SPOCK3: variants seen among roughly 807,000 people sequenced by gnomAD.
SPOCK3 encodes the protein SPARC (osteonectin), cwcv and kazal like domains proteoglycan 3, also known as testican-3.
Under a neutral mutation model 56.6 loss-of-function variants are expected in SPOCK3, and 30 were observed. The observed-to-expected ratio is 0.53, with a 90% CI of 0.40 to 0.72. The LOEUF (loss-of-function observed/expected upper bound fraction) is 0.72, where lower values mean the gene tolerates loss of function less well. Among genes scored for constraint, SPOCK3 ranks in the 30% least tolerant of loss-of-function variants. The probability of loss-of-function intolerance (pLI) is 0.00; values close to 1 mark genes in which losing one functional copy is unlikely to be tolerated. For missense variants in SPOCK3, 527 were observed against 530.0 expected (o/e 0.99, Z 0.06); for synonymous variants, 196 against 183.3 (o/e 1.07, Z -0.56).
intron 6 of SPOCK3, among the ~76,000 whole-genome samples, chr4:166,808,894 A>G (rs1027866284): frequency 1.3e-5 from 2 of 152,104 alleles, no homozygotes; most frequent in Non-Finnish European, 2.9e-5. Context: ...ATTATTTCTC[A>G]AATGAAGTCA....
intron 2 of SPOCK3, among the ~76,000 whole-genome samples, chr4:167,081,431 TAGAG>T (rs1302655352): frequency 1.3e-5 from 2 of 152,024 alleles, no homozygotes; most frequent in African/African-American, 4.8e-5. Flanking sequence ...GTTAACATTG[TAGAG>T]AGTCAACTCT....
chr4:167,107,476 T>C lies in SPOCK3; in HGVS notation c.190-44939A>G, dbSNP rs553626657. Among the ~76,000 whole-genome samples the C allele has an allele frequency of 6.6e-5, 10 of 151,776 alleles. No individual in the cohort carries two copies. In the South Asian group the frequency reaches 2.1e-3, roughly 32 times the overall value. On this transcript the variant is annotated intron_variant, in intron 2 of 10. Coordinates refer to ENST00000357545, the MANE Select transcript of SPOCK3 (RefSeq NM_001040159.2). ...CTTCATGATAAAAACCTGCAAAAAATGGTGATAGAAGAAAAATACCTCAAC... is the reference window on the plus strand; with the variant it reads ...CTTCATGATAAAAACCTGCAAAAAACGGTGATAGAAGAAAAATACCTCAAC...
intron 6 of SPOCK3, among the ~76,000 whole-genome samples, chr4:166,887,221 T>C (rs949317425): frequency 2.0e-5 from 3 of 152,192 alleles, no homozygotes; most frequent in African/African-American, 7.2e-5. Context: ...TTGGTTATCA[T>C]AAATTAATAC....
chr4:167,229,487 A>G (rs1325650522), intron 2 of SPOCK3, among the ~76,000 whole-genome samples: 1 of 152,156 alleles, frequency 6.6e-6, no homozygotes, highest in Non-Finnish European at 1.5e-5. Context: ...ACAACAGTAG[A>G]AGTTGATAGA....
chr4:166,752,968 T>C (rs561812903), intron 8 of SPOCK3, among the ~76,000 whole-genome samples: 12 of 114,876 alleles, frequency 1.0e-4, no homozygotes, highest in African/African-American at 4.0e-4. Flanking sequence ...CATATGGCTA[T>C]ATAAAAATTA....
intron 2 of SPOCK3, among the ~76,000 whole-genome samples, chr4:167,156,225 G>C (rs1225327417): frequency 6.6e-6 from 1 of 152,056 alleles, no homozygotes; most frequent in Admixed American, 6.6e-5. Context: ...CACATTCCAA[G>C]TACTTCATAG....
rs141842943 is a variant in SPOCK3 at position 166,916,321 on chromosome 4, G to A, written c.351-3578C>T. On this transcript the variant is annotated intron_variant, in intron 4 of 10. Coordinates refer to ENST00000357545, the MANE Select transcript of SPOCK3 (RefSeq NM_001040159.2). ...AAGAGGAATTCATACTATTGCTAGC[G>A]TTCTTTTAGGTGACTCACTTCTAGG... Among the ~76,000 whole-genome samples the A allele has an allele frequency of 1.1e-3, 167 of 152,022 alleles. 2 individuals carry two copies. The East Asian group carries it at 0.013, about 12-fold the overall frequency.
chr4:167,113,187 A>T (rs1761044573), intron 2 of SPOCK3, among the ~76,000 whole-genome samples: 1 of 152,154 alleles, frequency 6.6e-6, no homozygotes, highest in Admixed American at 6.6e-5. Context: ...ATCTCACTTT[A>T]GTCCAAACCA....
intron 2 of SPOCK3, among the ~76,000 whole-genome samples, chr4:167,217,362 T>TTTG (rs35939849): frequency 0.031 from 4,780 of 152,112 alleles, 106 homozygotes; most frequent in Middle Eastern, 0.072. Flanking sequence ...GATGTTTTTT[T>TTTG]TTGTTGTTTC....
intron 3 of SPOCK3, among the ~76,000 whole-genome samples, chr4:167,056,049 C>A (rs1322865327): frequency 6.6e-6 from 1 of 152,122 alleles, no homozygotes; most frequent in Non-Finnish European, 1.5e-5. Flanking sequence ...CTGGGAGGCA[C>A]CCCCCAGTAG....
intron 2 of SPOCK3, among the ~76,000 whole-genome samples, chr4:167,089,642 G>C (rs955761540): frequency 1.3e-5 from 2 of 152,060 alleles, no homozygotes; most frequent in Middle Eastern, 3.2e-3. Context: ...TCAATTTTAT[G>C]GGAGGTCTAA....
chr4:166,909,708 A>C (rs1245254058), intron 5 of SPOCK3, among the ~76,000 whole-genome samples: 2 of 152,094 alleles, frequency 1.3e-5, no homozygotes, highest in Admixed American at 1.3e-4. Flanking sequence ...AACTTCAAGC[A>C]AGGAGCTTCA....
At chr4:166,843,601 G>C (rs989071558) in intron 6 of SPOCK3, among the ~76,000 whole-genome samples, 31 of 152,134 alleles carry the variant, frequency 2.0e-4, no homozygotes, top group African/African-American at 7.0e-4. Flanking sequence ...CTGGGAGCTT[G>C]AAAGACAGCC....
At position 167,088,323 on chromosome 4, in the gene SPOCK3, T is replaced by C. The variant is rs569076643; in HGVS notation, c.190-25786A>G. Among the ~76,000 whole-genome samples the C allele has an allele frequency of 8.4e-4, 128 of 152,276 alleles. 1 individual carries two copies. The highest frequency in any genetic ancestry group is 3.0e-3 in the African/African-American group (124 of 41,570). ...ATGATGCTGATGCCATTGTGGTCAG[T>C]ACCACACTGAGAATCACTGCATTAG... On this transcript the variant is annotated intron_variant, in intron 2 of 10. Coordinates refer to ENST00000357545, the MANE Select transcript of SPOCK3 (RefSeq NM_001040159.2).
rs553703160 is a variant in SPOCK3, at chr4:167,116,651, C to A, written c.190-54114G>T. 8.8e-3 allele frequency among the ~76,000 whole-genome samples: 716 copies of A among 81,442 alleles called. 6 individuals carry two copies. The highest frequency in any genetic ancestry group is 0.013 in the Admixed American group (76 of 6,032). The allele number at this position is 81,442 out of a possible 152,430, so 53.4% of individuals were successfully genotyped here. ...TATATACTATATACGTATATATATA[C>A]ACATATATACGTATATAGTATATAT... On this transcript the variant is annotated intron_variant, in intron 2 of 10. Coordinates refer to ENST00000357545, the MANE Select transcript of SPOCK3 (RefSeq NM_001040159.2).
intron 6 of SPOCK3, among the ~76,000 whole-genome samples, chr4:166,823,422 CT>C (rs1745142519): frequency 6.6e-6 from 1 of 152,028 alleles, no homozygotes; most frequent in Non-Finnish European, 1.5e-5. Flanking sequence ...AAGAGGTAAA[CT>C]TTCATTGTGT....
chr4:166,860,049 C>A (rs1257706710), intron 6 of SPOCK3, among the ~76,000 whole-genome samples: 1 of 152,182 alleles, frequency 6.6e-6, no homozygotes, highest in African/African-American at 2.4e-5. Flanking sequence ...TAATCTAATA[C>A]AACTGCAAGT....
At chr4:166,869,032 G>A (rs1041046126) in intron 6 of SPOCK3, among the ~76,000 whole-genome samples, 7 of 152,066 alleles carry the variant, frequency 4.6e-5, no homozygotes, top group Non-Finnish European at 8.8e-5. Flanking sequence ...AGTTAGATGG[G>A]AGAACTGTTG....
chr4:166,825,712 T>G (rs773483919), intron 6 of SPOCK3, among the ~76,000 whole-genome samples: 1 of 152,106 alleles, frequency 6.6e-6, no homozygotes, highest in Non-Finnish European at 1.5e-5. Flanking sequence ...GGATGGAATA[T>G]GATTCAGCCA....
Sources: allele counts gnomAD v4.1 joint callset (sites outside exome capture counted in the v4.1 genomes callset), GRCh38; gene constraint gnomAD v4.1.1; transcripts MANE v1.5; gene names NCBI Gene and HGNC (gene_info 2026-07-23, HGNC 2026-07-21).